Variants in FRMPD2 observed in about 807,000 individuals in gnomAD.
FRMPD2 encodes the protein FERM and PDZ domain-containing protein 2.
Under a neutral mutation model 140.1 loss-of-function variants are expected in FRMPD2, and 96 were observed. That is an observed-to-expected ratio of 0.69 (90% confidence interval 0.58 to 0.81). FRMPD2 has a LOEUF of 0.81. Among genes scored for constraint, FRMPD2 ranks in the 40% least tolerant of loss-of-function variants. The pLI is 0.00. For synonymous variants in FRMPD2, 449 were observed against 547.6 expected, an observed-to-expected ratio of 0.82 and a Z score of 2.52; for missense variants, 1,240 against 1,447.4, an observed-to-expected ratio of 0.86 and a Z score of 2.32.
chr10:48,230,508 G>A (rs1277255764), intron 10 of FRMPD2, among the ~76,000 whole-genome samples: 4 of 152,186 alleles, frequency 2.6e-5, no homozygotes, highest in African/African-American at 4.8e-5. Context: ...CTTCAAAGGA[G>A]CCTACGTGGT....
At chr10:48,206,356 C>T (rs1839198125) in intron 14 of FRMPD2, among the ~76,000 whole-genome samples, 1 of 152,144 alleles carries the variant, frequency 6.6e-6, no homozygotes, top group Non-Finnish European at 1.5e-5. Flanking sequence ...GTTTCAAAAC[C>T]TTTCAGGCTC....
At chr10:48,198,369 C>T (rs1447928485) in intron 15 of FRMPD2, among the ~76,000 whole-genome samples, 1 of 152,058 alleles carries the variant, frequency 6.6e-6, no homozygotes, top group Non-Finnish European at 1.5e-5. Context: ...GCACATGTGG[C>T]CATTTAAATT....
intron 1 of FRMPD2, among the ~76,000 whole-genome samples, chr10:48,256,254 T>C (rs1277737589): frequency 7.0e-6 from 1 of 142,688 alleles, no homozygotes; most frequent in African/African-American, 2.5e-5. Context: ...CCCTGTCCCC[T>C]AGACAGCTGC....
intron 16 of FRMPD2, 22 bp from the exon 17 acceptor site, chr10:48,187,314 G>GT (rs1838713534): frequency 1.9e-6 from 3 of 1,606,346 alleles, no homozygotes; most frequent in Non-Finnish European, 2.6e-6. Context: ...AGAAAATGAG[G>GT]TTAGATAAGG....
At chr10:48,211,398 G>A (rs959979850) in intron 13 of FRMPD2, among the ~76,000 whole-genome samples, 4 of 152,190 alleles carry the variant, frequency 2.6e-5, no homozygotes, top group African/African-American at 4.8e-5. Flanking sequence ...GCTTTTCTCT[G>A]GCTCAAGCGC....
chr10:48,210,826 C>T (rs887117386), intron 13 of FRMPD2, among the ~76,000 whole-genome samples: 3 of 152,238 alleles, frequency 2.0e-5, no homozygotes, highest in Admixed American at 2.0e-4. Flanking sequence ...AAGTACCCAT[C>T]TCAATTAAGG....
At chr10:48,270,115 A>T (rs1360532253) in intron 1 of FRMPD2, among the ~76,000 whole-genome samples, 4 of 152,236 alleles carry the variant, frequency 2.6e-5, no homozygotes, top group Non-Finnish European at 5.9e-5. Flanking sequence ...AAGTGAGACT[A>T]AGAAAAGTCA....
At chr10:48,207,761 A>C (rs1373151545) in intron 13 of FRMPD2, among the ~76,000 whole-genome samples, 1 of 152,184 alleles carries the variant, frequency 6.6e-6, no homozygotes, top group Non-Finnish European at 1.5e-5. Flanking sequence ...AAGCCCTCTC[A>C]GAAGGGTTGT....
At chr10:48,251,750 C>A (rs756214018) in intron 1 of FRMPD2, 59 bp from the exon 2 acceptor site, 1 of 1,596,180 alleles carries the variant, frequency 6.3e-7, no homozygotes, top group Admixed American at 1.7e-5. Flanking sequence ...ATGTCCGGGC[C>A]CGTACTCGCC....
rs573470282 is a variant in FRMPD2 at position 48,186,041 on chromosome 10, G to A, written c.2267-396C>T. On this transcript the variant is annotated intron_variant, in intron 17 of 28. Transcript: ENST00000374201. The stretch of plus-strand genomic sequence containing the variant: ...AAACAAAAACAAAAGCTAAAACAGA[G>A]GTGAGACAGTAAAGCCTTCCCATCC... Among the ~76,000 whole-genome samples, 4 of 152,326 alleles carry A rather than the reference G, an allele frequency of 2.6e-5. No homozygotes were observed. The South Asian group carries it at 6.2e-4, about 24-fold the overall frequency.
intron 24 of FRMPD2, 135 bp downstream of exon 24, chr10:48,174,735 G>A (rs1254790692): frequency 1.3e-6 from 1 of 771,520 alleles, no homozygotes; most frequent in Non-Finnish European, 2.2e-6. Context: ...AGAAATGGAA[G>A]AGAAAAAAAA....
intron 13 of FRMPD2, 48 bp downstream of exon 13, chr10:48,211,906 G>A: frequency 6.3e-7 from 1 of 1,578,948 alleles, no homozygotes; most frequent in East Asian, 2.3e-5. Context: ...ATTGCTGGCT[G>A]CATTCCCTTG....
chr10:48,254,243 G>A (rs927188221), intron 1 of FRMPD2, among the ~76,000 whole-genome samples: 1 of 152,212 alleles, frequency 6.6e-6, no homozygotes, highest in African/African-American at 2.4e-5. Context: ...GGAAGCCTGG[G>A]AACCATCCAG....
At chr10:48,211,100 TG>T (rs1335761637) in intron 13 of FRMPD2, among the ~76,000 whole-genome samples, 1 of 152,222 alleles carries the variant, frequency 6.6e-6, no homozygotes, top group Admixed American at 6.5e-5. Flanking sequence ...TGTGTGCCTG[TG>T]GGTAGACCGC....
At chr10:48,175,688 C>T (rs1362724816) in intron 23 of FRMPD2, among the ~76,000 whole-genome samples, 158 bp downstream of exon 23, 6 of 152,024 alleles carry the variant, frequency 3.9e-5, no homozygotes, top group Non-Finnish European at 8.8e-5. Flanking sequence ...TCTATCACCT[C>T]CTTTCCAGGT....
At chr10:48,207,053 G>T in intron 13 of FRMPD2, 120 bp from the exon 14 acceptor site, 1 of 858,800 alleles carries the variant, frequency 1.2e-6, no homozygotes. Flanking sequence ...GAGTAGAATT[G>T]TCATGTAAGT....
chr10:48,239,659 G>A lies in FRMPD2; in HGVS notation c.734C>T (p.Pro245Leu). ...SERSTETQSS[P>L]EPHWSTLTHS... ...TGTCAAGGTGCTCCAATGGGGCTCTGGTGAGCTCTGGGTCTCCGTGCTTCT... is the reference window on the plus strand; with the variant it reads ...TGTCAAGGTGCTCCAATGGGGCTCTAGTGAGCTCTGGGTCTCCGTGCTTCT... Residue 245 changes from proline to leucine, a missense_variant, in exon 7 of 29, where the codon CCA becomes CTA. By Grantham distance (98) the Pro-to-Leu change is moderately conservative (BLOSUM62 -3). Around this residue, in one of 6 missense-constraint regions of FRMPD2, gnomAD observed 1,161 missense variants for 1,055.9 expected, o/e 1.10. Coordinates refer to ENST00000374201, the MANE Select transcript of FRMPD2 (RefSeq NM_001018071.4). 1.9e-6 allele frequency: 3 copies of A among 1,614,046 alleles called. No homozygotes were observed. Among genetic ancestry groups the A allele is most frequent in the Non-Finnish European group, 2.5e-6 (3 of 1,179,974 alleles).
chr10:48,242,287 C>T lies in FRMPD2; in HGVS notation c.441G>A (p.Arg147=), dbSNP rs369674339. 3 of 1,614,024 alleles carry T rather than the reference C, an allele frequency of 1.9e-6. No homozygotes were observed. The highest frequency in any genetic ancestry group is 2.5e-6 in the Non-Finnish European group (3 of 1,180,022). Residue 147 remains arginine, a synonymous_variant, in exon 5 of 29, where the codon AGG becomes AGA. Transcript: ENST00000374201. ...LLTMCEDQPH[R]RCTLQSVLEA... ...CCAGAACCGACTGCAACGTGCACCG[C>T]CTGTGAGGCTGGTCTTCACACATGG... is the stretch of plus-strand genomic sequence containing the variant.
chr10:48,251,685 C>A lies in FRMPD2; in HGVS notation c.32G>T (p.Ser11Ile). 1 of 1,614,220 alleles carries A rather than the reference C, an allele frequency of 6.2e-7. No individual in the cohort carries two copies. The highest frequency in any genetic ancestry group is 8.5e-7 in the Non-Finnish European group (1 of 1,180,012). Residue 11 changes from serine (S) to isoleucine (I), a missense_variant, in exon 2 of 29, where the codon AGC becomes ATC. By Grantham distance (142) the Ser-to-Ile change is moderately radical. Transcript: ENST00000374201. MQPLTKDAGM[S>I]LSSVTLASAL... ...GCTGGCCAGCGTCACAGAGGACAGG[C>A]TCATGCCTACAATAAAGACATGCAT...
Sources: gnomAD v4.1 joint callset for allele counts (sites outside exome capture counted in the v4.1 genomes callset) on GRCh38, gnomAD v4.1.1 for gene constraint, gnomAD v4.1.1 regional missense constraint, MANE v1.5 for transcripts, NCBI Gene and HGNC (gene_info 2026-07-23, HGNC 2026-07-21) for gene names.